The following TGFB2 variants were observed in gnomAD, a reference collection of about 807,000 sequenced individuals.
TGFB2 encodes the protein transforming growth factor beta 2.
Under a neutral mutation model 42.7 loss-of-function variants are expected in TGFB2, and 13 were observed. The ratio of observed to expected loss-of-function variants is 0.30; its 90% CI spans 0.20 to 0.48. The LOEUF (loss-of-function observed/expected upper bound fraction) is 0.48. Among genes scored for constraint, TGFB2 ranks in the 20% least tolerant of loss-of-function variants. The pLI is 0.99. For missense variants in TGFB2, 390 were observed against 517.5 expected, an observed-to-expected ratio of 0.75 and a Z score of 2.39; for synonymous variants, 193 against 193.6, an observed-to-expected ratio of 1.00 and a Z score of 0.03.
chr1:218,360,425 T>A (rs1441326122), intron 1 of TGFB2, among the ~76,000 whole-genome samples: 1 of 152,210 alleles, frequency 6.6e-6, no homozygotes, highest in African/African-American at 2.4e-5. Context: ...TCCCCCATCA[T>A]AAATTAGTGA....
At chr1:218,426,427 A>G (rs1659627702) in intron 2 of TGFB2, among the ~76,000 whole-genome samples, 1 of 152,142 alleles carries the variant, frequency 6.6e-6, no homozygotes. Flanking sequence ...ACCTTTATCC[A>G]CTGCCCAGTT....
chr1:218,435,561 G>A (rs1659943546), intron 4 of TGFB2, among the ~76,000 whole-genome samples: 2 of 152,310 alleles, frequency 1.3e-5, no homozygotes, highest in South Asian at 4.1e-4. Context: ...AGTAGTCTTA[G>A]GAAGAGTGTG....
chr1:218,366,802 A>G (rs1160705785), intron 1 of TGFB2, among the ~76,000 whole-genome samples: 1 of 152,146 alleles, frequency 6.6e-6, no homozygotes, highest in Non-Finnish European at 1.5e-5. Flanking sequence ...AAGTCAAAGG[A>G]TGCTCTGATT....
At chr1:218,432,035 C>A (rs565221017) in intron 2 of TGFB2, among the ~76,000 whole-genome samples, 2 of 152,252 alleles carry the variant, frequency 1.3e-5, no homozygotes, top group South Asian at 2.1e-4. Context: ...ATTTAAAAAT[C>A]TTTGCCTCTG....
intron 2 of TGFB2, among the ~76,000 whole-genome samples, chr1:218,414,251 A>G (rs946006324): frequency 5.9e-5 from 9 of 152,008 alleles, no homozygotes; most frequent in African/African-American, 1.2e-4. Flanking sequence ...ACACACACAC[A>G]CACGCACACA....
chr1:218,401,197 G>A (rs923433474), intron 1 of TGFB2, among the ~76,000 whole-genome samples: 10 of 152,098 alleles, frequency 6.6e-5, no homozygotes, highest in African/African-American at 9.7e-5. Flanking sequence ...CATACAATAC[G>A]TTGGTAAATT....
At chr1:218,385,947 T>C (rs921201647) in intron 1 of TGFB2, among the ~76,000 whole-genome samples, 1 of 152,162 alleles carries the variant, frequency 6.6e-6, no homozygotes. Flanking sequence ...GAGACTCCCA[T>C]GGTTGCATTT....
chr1:218,411,272 A>G (rs1017050166), intron 2 of TGFB2, among the ~76,000 whole-genome samples: 1 of 152,162 alleles, frequency 6.6e-6, no homozygotes, highest in African/African-American at 2.4e-5. Flanking sequence ...GTTATACTTC[A>G]CAAGTTTTTG....
chr1:218,401,628 A>G (rs578170710), intron 1 of TGFB2, among the ~76,000 whole-genome samples: 1 of 152,294 alleles, frequency 6.6e-6, no homozygotes, highest in Non-Finnish European at 1.5e-5. Context: ...CAAGTACCTG[A>G]CCACCTGGCA....
chr1:218,401,364 T>C (rs1030217239), intron 1 of TGFB2, among the ~76,000 whole-genome samples: 1 of 152,150 alleles, frequency 6.6e-6, no homozygotes, highest in African/African-American at 2.4e-5. Flanking sequence ...AAATATGGTT[T>C]TGCAGGCATG....
chr1:218,435,924 A>T, intron 4 of TGFB2, 46 bp from the exon 5 acceptor site: 1 of 1,547,370 alleles, frequency 6.5e-7, no homozygotes, highest in Non-Finnish European at 8.7e-7. Context: ...ACTATATTTG[A>T]TGAAGGTGAA....
chr1:218,353,174 C>T (rs1273718316), intron 1 of TGFB2, among the ~76,000 whole-genome samples: 1 of 152,158 alleles, frequency 6.6e-6, no homozygotes, highest in Non-Finnish European at 1.5e-5. Flanking sequence ...AGCGATACCC[C>T]AGGAACCACT....
At chr1:218,371,135 C>A (rs1263331355) in intron 1 of TGFB2, among the ~76,000 whole-genome samples, 1 of 151,924 alleles carries the variant, frequency 6.6e-6, no homozygotes, top group Non-Finnish European at 1.5e-5. Context: ...CCCATCTTTA[C>A]AAAAAATACA....
chr1:218,425,905 G>A (rs1394815936), intron 2 of TGFB2, among the ~76,000 whole-genome samples: 2 of 152,182 alleles, frequency 1.3e-5, no homozygotes, highest in South Asian at 2.1e-4. Flanking sequence ...TGAGAGACTC[G>A]TGCTCACAGC....
In TGFB2 at chr1:218,437,279, G is replaced by T. The variant is rs1054104121; in HGVS notation, c.933-64G>T. On this transcript the variant is annotated intron_variant, in intron 5 of 6. Coordinates refer to ENST00000366930, the MANE Select transcript of TGFB2 (RefSeq NM_003238.6). ...TTTTTCTGGTTTGGGGTGAGGTGGT[G>T]GTAGAGTGAGGGTGGTGAATCAGCT... 4 of 1,467,350 alleles carry T rather than the reference G, an allele frequency of 2.7e-6. No individual in the cohort carries two copies. The African/African-American group carries it at 4.3e-5, about 16-fold the overall frequency. 90.9% of individuals were successfully genotyped at this position (1,467,350 alleles called of 1,614,324 possible).
intron 1 of TGFB2, among the ~76,000 whole-genome samples, chr1:218,384,071 G>A (rs970445738): frequency 3.3e-5 from 5 of 151,810 alleles, no homozygotes; most frequent in South Asian, 2.1e-4. Flanking sequence ...ATAATATAAG[G>A]TCACAGATAT....
At chr1:218,413,302 G>A (rs1659160689) in intron 2 of TGFB2, among the ~76,000 whole-genome samples, 1 of 150,014 alleles carries the variant, frequency 6.7e-6, no homozygotes. Context: ...GAACCCGAGA[G>A]GCAGAGGTTG....
chr1:218,349,992 GTTATGCTAAGGT>G (rs1656818114), intron 1 of TGFB2, among the ~76,000 whole-genome samples: 1 of 152,200 alleles, frequency 6.6e-6, no homozygotes, highest in African/African-American at 2.4e-5. Flanking sequence ...TCGAAGTGGA[GTTATGCTAAGGT>G]TTACCGATAG....
chr1:218,418,409 A>G (rs1370484822), intron 2 of TGFB2, among the ~76,000 whole-genome samples: 1 of 152,188 alleles, frequency 6.6e-6, no homozygotes, highest in Non-Finnish European at 1.5e-5. Context: ...TATTTACCCA[A>G]TGCCTGTACC....
Sources: gnomAD v4.1 joint callset for allele counts (sites outside exome capture counted in the v4.1 genomes callset) on GRCh38, gnomAD v4.1.1 for gene constraint, MANE v1.5 for transcripts, NCBI Gene and HGNC (gene_info 2026-07-23, HGNC 2026-07-21) for gene names.